AIG1: variants seen among roughly 807,000 people sequenced by gnomAD.
AIG1 encodes androgen induced 1.
A neutral mutation model predicts 31.4 loss-of-function variants in AIG1; 23 were observed. The observed-to-expected ratio is 0.73, with a 90% CI of 0.53 to 1.04. The LOEUF (loss-of-function observed/expected upper bound fraction) is 1.04. Ranked by LOEUF, AIG1 falls within the 50% of genes least tolerant of loss-of-function variation. AIG1 has a pLI of 0.00. For missense variants in AIG1, 274 were observed against 295.0 expected, an observed-to-expected ratio of 0.93 and a Z score of 0.52; for synonymous variants, 100 against 110.5, an observed-to-expected ratio of 0.90 and a Z score of 0.60.
At chr6:143,145,866 A>G (rs1784658671) in intron 2 of AIG1, among the ~76,000 whole-genome samples, 1 of 152,212 alleles carries the variant, frequency 6.6e-6, no homozygotes, top group Non-Finnish European at 1.5e-5. Context: ...CTAATCATGG[A>G]CATTTTCTGT....
intron 4 of AIG1, among the ~76,000 whole-genome samples, chr6:143,315,540 T>G (rs1775673961): frequency 6.6e-6 from 1 of 152,104 alleles, no homozygotes; most frequent in African/African-American, 2.4e-5. Flanking sequence ...AACTGATATT[T>G]GACAGAGGAG....
chr6:143,102,299 A>G (rs538721764), intron 1 of AIG1, among the ~76,000 whole-genome samples: 4 of 151,354 alleles, frequency 2.6e-5, no homozygotes, highest in Non-Finnish European at 4.4e-5. Context: ...AATTAAGTTT[A>G]TAAGACTGAA....
At chr6:143,122,769 C>T (rs1006302021) in intron 1 of AIG1, among the ~76,000 whole-genome samples, 1 of 152,174 alleles carries the variant, frequency 6.6e-6, no homozygotes, top group African/African-American at 2.4e-5. Flanking sequence ...ATTTCACTGT[C>T]ATTGAGAACA....
At chr6:143,073,219 A>G (rs1335600509) in intron 1 of AIG1, among the ~76,000 whole-genome samples, 4 of 152,072 alleles carry the variant, frequency 2.6e-5, no homozygotes, top group Non-Finnish European at 5.9e-5. Context: ...ATTCTTCTTT[A>G]GGGCTGAATT....
At chr6:143,145,893 T>C (rs1784660046) in intron 2 of AIG1, among the ~76,000 whole-genome samples, 2 of 152,208 alleles carry the variant, frequency 1.3e-5, no homozygotes, top group Non-Finnish European at 1.5e-5. Context: ...CAAAAAGATA[T>C]ATTTTTCCCA....
intron 1 of AIG1, among the ~76,000 whole-genome samples, chr6:143,071,585 C>T (rs1777262830): frequency 6.6e-6 from 1 of 152,114 alleles, no homozygotes; most frequent in African/African-American, 2.4e-5. Context: ...TAGCCCCATT[C>T]TTGCCAGTTA....
intron 3 of AIG1, among the ~76,000 whole-genome samples, chr6:143,250,636 G>A (rs539073755): frequency 6.6e-6 from 1 of 152,138 alleles, no homozygotes; most frequent in Non-Finnish European, 1.5e-5. Flanking sequence ...ACATTGAGCA[G>A]GGGCAGAGGC....
chr6:143,224,085 G>A (rs958441268), intron 3 of AIG1, among the ~76,000 whole-genome samples: 7 of 152,056 alleles, frequency 4.6e-5, no homozygotes, highest in Admixed American at 1.3e-4. Context: ...CTGCAGTCTC[G>A]TGCTTGGTGA....
In AIG1 at chr6:143,288,294, GTCT is replaced by G. The variant is rs1340920727; in HGVS notation, c.515+4075_515+4077del. Among the ~76,000 whole-genome samples, 1 of 136,480 alleles carries G rather than the reference GTCT, an allele frequency of 7.3e-6. No homozygotes were observed. The highest frequency in any genetic ancestry group is 2.9e-5 in the African/African-American group (1 of 34,250). 89.5% of individuals were successfully genotyped at this position (136,480 alleles called of 152,430 possible). On this transcript the variant is annotated intron_variant, in intron 4 of 5. Coordinates refer to ENST00000357847, the MANE Select transcript of AIG1 (RefSeq NM_016108.4). The surrounding 1 kb of genome is among the most constrained non-coding windows in gnomAD (Gnocchi z 4.4). ...TCAAGAATGGTCTCTCTCCTAAGGA[GTCT>G]TCTTCCAGCCCCTGGCTATTCTCCC...
intron 3 of AIG1, among the ~76,000 whole-genome samples, chr6:143,170,645 G>C (rs1787417233): frequency 6.7e-6 from 1 of 150,326 alleles, no homozygotes; most frequent in South Asian, 2.1e-4. Flanking sequence ...TTCTGTTCTG[G>C]TATTTATTAT....
chr6:143,151,066 A>T (rs1785182393), intron 2 of AIG1, among the ~76,000 whole-genome samples: 1 of 152,196 alleles, frequency 6.6e-6, no homozygotes, highest in South Asian at 2.1e-4. Flanking sequence ...TCTTTGAGTC[A>T]TATTGGTTCC....
rs1210524558 is a variant in AIG1 at position 143,171,466 on chromosome 6, T to A, written c.399+6283T>A. The stretch of plus-strand genomic sequence containing the variant: ...TAATATATATATTTAATATATATAT[T>A]TAATATATATAATATATATTAAATA... On this transcript the variant is annotated intron_variant, in intron 3 of 5. Coordinates refer to ENST00000357847, the MANE Select transcript of AIG1 (RefSeq NM_016108.4). Among the ~76,000 whole-genome samples, 3 of 117,128 alleles carry A rather than the reference T, an allele frequency of 2.6e-5. 1 individual carries two copies. Among genetic ancestry groups the A allele is most frequent in the South Asian group, 2.4e-4 (1 of 4,148 alleles). 76.8% of individuals were successfully genotyped at this position (117,128 alleles called of 152,430 possible). A position where few individuals can be genotyped will look rare whatever the true frequency, so the allele number is the denominator to read the frequency against.
intron 1 of AIG1, among the ~76,000 whole-genome samples, chr6:143,104,967 G>T (rs1463636670): frequency 1.3e-5 from 2 of 151,952 alleles, no homozygotes; most frequent in African/African-American, 2.4e-5. Context: ...GCCTCGAATT[G>T]AACTCCAAAG....
rs1777830073 is a variant in AIG1 at position 143,340,831 on chromosome 6, G to A, written c.*1155G>A. 1.3e-5 allele frequency among the ~76,000 whole-genome samples: 2 copies of A among 152,034 alleles called. No individual in the cohort carries two copies. ...TAATTATTTTTAAGATGAAAAATAT[G>A]TTATATAAATTATAAAATGTTACTT... is the stretch of plus-strand genomic sequence containing the variant. On this transcript the variant is annotated 3_prime_UTR_variant, in exon 6 of 6. Coordinates refer to ENST00000357847, the MANE Select transcript of AIG1 (RefSeq NM_016108.4).
Position 143,258,574 on chromosome 6 carries a change from C to A in AIG1, c.400-25536C>A, listed in dbSNP as rs1412241492. On this transcript the variant is annotated intron_variant, in intron 3 of 5. Transcript: ENST00000357847. This position sits in a 1 kb window ranked among gnomAD's most constrained non-coding sequence, Gnocchi z 4.7. ...CCAGCTAATGGAGGTATTTTATGGG[C>A]TTTATTGGCAGAGAGAGAATCAAGG... Among the ~76,000 whole-genome samples the A allele has an allele frequency of 6.6e-6, 1 of 152,130 alleles. No homozygotes were observed. Among genetic ancestry groups the A allele is most frequent in the African/African-American group, 2.4e-5 (1 of 41,436 alleles).
intron 1 of AIG1, chr6:143,061,401 A>T (rs957981989): frequency 2.4e-6 from 1 of 410,358 alleles, no homozygotes; most frequent in Non-Finnish European, 4.7e-6. Context: ...AATCTTCAAC[A>T]AAAGCATCGG....
At chr6:143,263,005 A>T (rs1207893275) in intron 3 of AIG1, among the ~76,000 whole-genome samples, 1 of 152,212 alleles carries the variant, frequency 6.6e-6, no homozygotes, top group African/African-American at 2.4e-5. Context: ...GAAGAGAGCC[A>T]CAAGTAGTAT....
intron 4 of AIG1, among the ~76,000 whole-genome samples, chr6:143,307,201 C>T (rs1451487480): frequency 2.6e-5 from 4 of 152,334 alleles, no homozygotes; most frequent in African/African-American, 4.8e-5. Flanking sequence ...TCTCTCAGCT[C>T]GTCAAAGTCA....
chr6:143,139,951 G>A (rs1036849790), intron 2 of AIG1, among the ~76,000 whole-genome samples: 1 of 152,128 alleles, frequency 6.6e-6, no homozygotes, highest in Non-Finnish European at 1.5e-5. Context: ...CTCTTTACAA[G>A]TATTTGTATT....
Sources: gnomAD v4.1 joint callset for allele counts (sites outside exome capture counted in the v4.1 genomes callset) on GRCh38, gnomAD v4.1.1 for gene constraint, Gnocchi (gnomAD v3.1) non-coding constraint, MANE v1.5 for transcripts, NCBI Gene and HGNC (gene_info 2026-07-23, HGNC 2026-07-21) for gene names.